The following MCM5 variants were observed in gnomAD, a reference collection of about 807,000 sequenced individuals.
MCM5 encodes DNA replication licensing factor MCM5.
MCM5 carries 46 observed loss-of-function variants against 79.9 expected under a neutral mutation model. That is an observed-to-expected ratio of 0.58 (90% CI 0.45 to 0.74). The LOEUF (loss-of-function observed/expected upper bound fraction) is 0.74. Among genes scored for constraint, MCM5 ranks in the 30% least tolerant of loss-of-function variants. MCM5 has a pLI of 0.00. For missense variants in MCM5, 883 were observed against 1,017.0 expected, an observed-to-expected ratio of 0.87 and a Z score of 1.79; for synonymous variants, 404 against 390.5, an observed-to-expected ratio of 1.03 and a Z score of -0.41.
chr22:35,403,059 G>A (rs191824488), intron 2 of MCM5, 148 bp from the exon 3 acceptor site: 393 of 937,126 alleles, frequency 4.2e-4, no homozygotes, highest in Non-Finnish European at 5.9e-4. Context: ...GGAATGATCT[G>A]GAATTAGATG....
the MCM5 span, among the ~76,000 whole-genome samples, chr22:35,432,942 C>T: frequency 6.6e-6 from 1 of 152,076 alleles, no homozygotes; most frequent in East Asian, 1.9e-4. Context: ...CCTTGATCCT[C>T]TTTGTTTTTT....
At chr22:35,421,868 G>A (rs1410997592) in intron 15 of MCM5, 1 of 300,052 alleles carries the variant, frequency 3.3e-6, no homozygotes, top group Non-Finnish European at 6.6e-6. Flanking sequence ...TTAGAAATGA[G>A]ACAGCTGACA....
intron 15 of MCM5, chr22:35,423,002 CTG>C: frequency 2.4e-6 from 1 of 414,388 alleles, no homozygotes; most frequent in Non-Finnish European, 4.3e-6. Flanking sequence ...GTTCCTGCCT[CTG>C]TGACTTTGTG....
the MCM5 span, among the ~76,000 whole-genome samples, chr22:35,446,776 C>T: frequency 6.6e-6 from 1 of 152,290 alleles, no homozygotes; most frequent in Admixed American, 6.5e-5. Context: ...TCATATTTCT[C>T]TCATCTCGGT....
At chr22:35,453,178 C>T in the MCM5 span, among the ~76,000 whole-genome samples, 1 of 152,234 alleles carries the variant, frequency 6.6e-6, no homozygotes, top group African/African-American at 2.4e-5. Flanking sequence ...CGACACGGGC[C>T]TGCCCTCCCT....
chr22:35,447,120 C>T, the MCM5 span, among the ~76,000 whole-genome samples: 1 of 152,150 alleles, frequency 6.6e-6, no homozygotes, highest in Admixed American at 6.5e-5. Flanking sequence ...CGAGGGCGTG[C>T]AGCATCAGCC....
chr22:35,401,360 A>G (rs929920178), intron 2 of MCM5: 2 of 470,520 alleles, frequency 4.3e-6, no homozygotes, highest in African/African-American at 4.0e-5. Flanking sequence ...TCATTCATTT[A>G]TTTATACCAG....
intron 15 of MCM5, chr22:35,422,804 GGGC>G (rs1932729224): frequency 6.4e-6 from 1 of 155,446 alleles, no homozygotes; most frequent in African/African-American, 2.4e-5. Context: ...GATGTGTCCA[GGGC>G]AGGCTGGCTT....
downstream of MCM5, among the ~76,000 whole-genome samples, chr22:35,430,288 A>G (rs1932803768): frequency 6.6e-6 from 1 of 152,182 alleles, no homozygotes; most frequent in African/African-American, 2.4e-5. Context: ...GTTCCCCCAG[A>G]TGTTAAGAGG....
At chr22:35,416,517 GTGT>G in intron 11 of MCM5, 113 bp downstream of exon 11, 11 of 86,016 alleles carry the variant, frequency 1.3e-4, no homozygotes, top group Non-Finnish European at 2.3e-4. Context: ...GAATCTGTGT[GTGT>G]GTGTGTGTGT....
At chr22:35,433,065 G>T in the MCM5 span, among the ~76,000 whole-genome samples, 1 of 152,106 alleles carries the variant, frequency 6.6e-6, no homozygotes, top group Non-Finnish European at 1.5e-5. Context: ...TCCTGGAGTA[G>T]CTGGGACTAC....
intron 16 of MCM5, 187 bp downstream of exon 16, chr22:35,423,528 A>G (rs1193279278): frequency 3.8e-6 from 2 of 531,772 alleles, no homozygotes; most frequent in Non-Finnish European, 6.0e-6. Context: ...CATCAGGAGC[A>G]GGGATGGGGG....
At chr22:35,402,902 C>T (rs925035055) in intron 2 of MCM5, among the ~76,000 whole-genome samples, 2 of 152,192 alleles carry the variant, frequency 1.3e-5, no homozygotes, top group Non-Finnish European at 2.9e-5. Context: ...TCTGCGGAGT[C>T]CTTCAGTGAC....
At position 35,400,450 on chromosome 22, in the gene MCM5, C is replaced by G; in HGVS notation, c.12C>G (p.Phe4Leu). 4 of 1,614,056 alleles carry G rather than the reference C, an allele frequency of 2.5e-6. No homozygotes were observed. The highest frequency in any genetic ancestry group is 3.4e-6 in the Non-Finnish European group (4 of 1,179,962). The change falls in exon 2 of 17, where the codon TTC (phenylalanine) becomes TTG (leucine). Residue 4 changes from phenylalanine (F) to leucine (L), a missense_variant. By Grantham distance (22) the Phe-to-Leu change is conservative. Coordinates refer to ENST00000216122, the MANE Select transcript of MCM5 (RefSeq NM_006739.4). MSG[F>L]DDPGIFYSDS... ...CCCCAGGCGCAGTCATGTCGGGATT[C>G]GACGATCCTGGCATTTTCTACAGCG...
At chr22:35,436,245 C>T in the MCM5 span, among the ~76,000 whole-genome samples, 1 of 151,992 alleles carries the variant, frequency 6.6e-6, no homozygotes, top group African/African-American at 2.4e-5. Flanking sequence ...TGTTTGGGAC[C>T]CCTGCCCTCC....
the MCM5 span, among the ~76,000 whole-genome samples, chr22:35,448,343 C>T: frequency 1.3e-5 from 2 of 151,970 alleles, no homozygotes; most frequent in Non-Finnish European, 2.9e-5. Context: ...TCCTTTGTCT[C>T]CCTCTGGACC....
chr22:35,417,262 G>A (rs1410158989), intron 12 of MCM5, among the ~76,000 whole-genome samples: 1 of 152,152 alleles, frequency 6.6e-6, no homozygotes, highest in East Asian at 1.9e-4. Flanking sequence ...GCTTCCCTTG[G>A]TGGAATCTTT....
downstream of MCM5, among the ~76,000 whole-genome samples, chr22:35,429,517 C>T (rs1186600763): frequency 6.6e-6 from 1 of 151,888 alleles, no homozygotes; most frequent in East Asian, 1.9e-4. Context: ...CTCCTCACCC[C>T]TCCTGCCCTT....
At chr22:35,436,936 A>G in the MCM5 span, among the ~76,000 whole-genome samples, 1 of 64,366 alleles carries the variant, frequency 1.6e-5, no homozygotes, top group Non-Finnish European at 5.4e-5. Flanking sequence ...GACTTCACAA[A>G]GCCAGATGGA....
Sources: allele counts gnomAD v4.1 joint callset (sites outside exome capture counted in the v4.1 genomes callset), GRCh38; gene constraint gnomAD v4.1.1; transcripts MANE v1.5; gene names NCBI Gene and HGNC (gene_info 2026-07-23, HGNC 2026-07-21).